The following TNFRSF8 variants were observed in gnomAD, a reference collection of about 807,000 sequenced individuals.
TNFRSF8 encodes the protein tumor necrosis factor receptor superfamily member 8.
TNFRSF8 carries 26 observed loss-of-function variants against 70.8 expected under a neutral mutation model. That is an observed-to-expected ratio of 0.37 (90% CI 0.27 to 0.51). TNFRSF8 has a LOEUF of 0.51. Ranked by LOEUF, TNFRSF8 falls within the 20% of genes least tolerant of loss-of-function variation. The probability of loss-of-function intolerance (pLI) is 0.94; values close to 1 mark genes in which losing one functional copy is unlikely to be tolerated. For synonymous variants in TNFRSF8, 356 were observed against 339.2 expected (o/e 1.05, Z -0.54); for missense variants, 720 against 807.9 (o/e 0.89, Z 1.32).
In TNFRSF8 at chr1:12,110,817, C is replaced by T. The variant is rs1045212209; in HGVS notation, c.676+613C>T. Among the ~76,000 whole-genome samples the T allele has an allele frequency of 3.9e-5, 6 of 152,086 alleles. No individual in the cohort carries two copies. The highest frequency in any genetic ancestry group is 8.8e-5 in the Non-Finnish European group (6 of 68,014). ...TTCACCATGTTGGTCAGGCTGGTCTCGAACTCCCGACCTCAGGTGATCCGC... is the reference window on the plus strand; with the variant it reads ...TTCACCATGTTGGTCAGGCTGGTCTTGAACTCCCGACCTCAGGTGATCCGC... On this transcript the variant is annotated intron_variant, in intron 6 of 14. Transcript: ENST00000263932. This position sits in a 1 kb window ranked among gnomAD's most constrained non-coding sequence, Gnocchi z 4.0.
intron 1 of TNFRSF8, among the ~76,000 whole-genome samples, chr1:12,074,985 A>G (rs1424603879): frequency 2.0e-5 from 3 of 152,112 alleles, no homozygotes; most frequent in East Asian, 1.9e-4. Context: ...GGCCGGGCAC[A>G]GTGGCTCATG....
chr1:12,128,833 C>A lies in TNFRSF8; in HGVS notation c.1309+2597C>A, dbSNP rs866654858. On this transcript the variant is annotated intron_variant, in intron 12 of 14. Coordinates refer to ENST00000263932, the MANE Select transcript of TNFRSF8 (RefSeq NM_001243.5). ...GGTTGAGAACCACTGGTCTAAAATT[C>A]TTTTTTTTTTTTTTTTTTTGAGACA... 7.2e-5 allele frequency among the ~76,000 whole-genome samples: 8 copies of A among 111,776 alleles called. No individual in the cohort carries two copies. In the East Asian group the frequency reaches 2.1e-3, roughly 29 times the overall value. The allele number at this position is 111,776 out of a possible 152,430, so 73.3% of individuals were successfully genotyped here.
At chr1:12,134,121 G>A (rs1279687667) in intron 12 of TNFRSF8, among the ~76,000 whole-genome samples, 4 of 152,182 alleles carry the variant, frequency 2.6e-5, no homozygotes, top group Admixed American at 2.0e-4. Flanking sequence ...TCAGTCTTGC[G>A]TATACTTTAT....
chr1:12,074,476 C>T (rs958408147), intron 1 of TNFRSF8, among the ~76,000 whole-genome samples: 1 of 151,960 alleles, frequency 6.6e-6, no homozygotes, highest in Non-Finnish European at 1.5e-5. Context: ...GAGGGGGTTT[C>T]GCTGTATTGG....
chr1:12,126,084 G>A (rs1641933668), intron 11 of TNFRSF8, 32 bp downstream of exon 11: 1 of 1,612,580 alleles, frequency 6.2e-7, no homozygotes, highest in Non-Finnish European at 8.5e-7. Flanking sequence ...GCCTTGGGGA[G>A]GACAGGTTGC....
At chr1:12,136,625 G>A (rs1475009535) in intron 13 of TNFRSF8, among the ~76,000 whole-genome samples, 8 of 144,828 alleles carry the variant, frequency 5.5e-5, no homozygotes, top group African/African-American at 1.6e-4. Flanking sequence ...CTCCCAGCCC[G>A]GGTAACAGAG....
intron 7 of TNFRSF8, among the ~76,000 whole-genome samples, chr1:12,114,279 A>G (rs1346941243): frequency 1.3e-5 from 2 of 152,200 alleles, no homozygotes; most frequent in Non-Finnish European, 2.9e-5. Flanking sequence ...ACATGATTGT[A>G]GGTTAATCTG....
At chr1:12,125,734 C>T (rs994686535) in intron 10 of TNFRSF8, among the ~76,000 whole-genome samples, 1 of 152,208 alleles carries the variant, frequency 6.6e-6, no homozygotes, top group Non-Finnish European at 1.5e-5. Flanking sequence ...ACTCTCTAGA[C>T]ACAGTTTGCC....
intron 2 of TNFRSF8, among the ~76,000 whole-genome samples, chr1:12,090,918 G>T (rs1278221567): frequency 4.6e-5 from 7 of 152,006 alleles, no homozygotes; most frequent in Non-Finnish European, 8.8e-5. Flanking sequence ...TCGGAGATGG[G>T]GTCTTTAAAA....
At chr1:12,136,082 TC>T (rs1642139947) in intron 13 of TNFRSF8, among the ~76,000 whole-genome samples, 1 of 151,838 alleles carries the variant, frequency 6.6e-6, no homozygotes, top group African/African-American at 2.4e-5. Flanking sequence ...TTTTTTTTTT[TC>T]CCCATCTGTC....
At chr1:12,105,658 C>T (rs1025950328) in intron 4 of TNFRSF8, among the ~76,000 whole-genome samples, 1 of 151,932 alleles carries the variant, frequency 6.6e-6, no homozygotes, top group Non-Finnish European at 1.5e-5. Context: ...GGACACAAGG[C>T]CAGGTGTGGT....
Position 12,063,319 on chromosome 1 carries a change from C to G in TNFRSF8, c.-280C>G, listed in dbSNP as rs138020226. ...TGCCTTTTCCTGAGTCATCTCTGCA[C>G]GTGTTTGCCCCCTTTTTTCTTCGCT... On this transcript the variant is annotated 5_prime_UTR_variant, in exon 1 of 15. Transcript: ENST00000263932. The surrounding 1 kb of genome is among the most constrained non-coding windows in gnomAD (Gnocchi z 7.2). The G allele has an allele frequency of 2.8e-6, 1 of 360,248 alleles. No homozygotes were observed. The allele number at this position is 360,248 out of a possible 1,614,324, so 22.3% of individuals were successfully genotyped here.
intron 8 of TNFRSF8, among the ~76,000 whole-genome samples, chr1:12,117,426 G>T (rs1459906089): frequency 6.6e-6 from 1 of 152,148 alleles, no homozygotes; most frequent in South Asian, 2.1e-4. Flanking sequence ...AATATCCGGG[G>T]AAAGTTCGGG....
intron 1 of TNFRSF8, among the ~76,000 whole-genome samples, chr1:12,076,087 T>TCTC (rs1553153188): frequency 2.4e-4 from 15 of 62,332 alleles, no homozygotes; most frequent in Non-Finnish European, 6.3e-5. Context: ...GGTTTTATTC[T>TCTC]TTTTTTTTTC....
chr1:12,126,992 C>T lies in TNFRSF8; in HGVS notation c.1309+756C>T, dbSNP rs561443343. ...TGACCCCCTCCCTGGTCCCTGCACT[C>T]TGATCCCTGCCCAGCCTCTGGGCCA... On this transcript the variant is annotated intron_variant, in intron 12 of 14. Coordinates refer to ENST00000263932, the MANE Select transcript of TNFRSF8 (RefSeq NM_001243.5). 2.6e-5 allele frequency among the ~76,000 whole-genome samples: 4 copies of T among 152,320 alleles called. No individual in the cohort carries two copies. The East Asian group carries it at 7.7e-4, about 29-fold the overall frequency.
In TNFRSF8 at chr1:12,138,123, G is replaced by A; in HGVS notation, c.1336-106G>A. ...TGGCAGCTTTTAAAGCAGAAAGGGG[G>A]ACTCACTGGGGTCTGTAGAGATGAA... On this transcript the variant is annotated intron_variant, in intron 13 of 14. Transcript: ENST00000263932. This position sits in a 1 kb window ranked among gnomAD's most constrained non-coding sequence, Gnocchi z 5.7. The A allele has an allele frequency of 2.6e-6, 3 of 1,157,930 alleles. No homozygotes were observed. The highest frequency in any genetic ancestry group is 1.6e-5 in the South Asian group (1 of 63,468). The allele number at this position is 1,157,930 out of a possible 1,614,324, so 71.7% of individuals were successfully genotyped here. A position where few individuals can be genotyped will look rare whatever the true frequency, so the allele number is the denominator to read the frequency against.
In TNFRSF8 at chr1:12,110,420, G is replaced by T. The variant is rs1288207710; in HGVS notation, c.676+216G>T. The stretch of plus-strand genomic sequence containing the variant: ...CATTTGCCAGCAGTGCAGAGGGCCT[G>T]CCTTGTGCCGGACACCCGTGCCCCA... On this transcript the variant is annotated intron_variant, in intron 6 of 14. Transcript: ENST00000263932. The surrounding 1 kb of genome is among the most constrained non-coding windows in gnomAD (Gnocchi z 4.0). Among the ~76,000 whole-genome samples the T allele has an allele frequency of 6.6e-6, 1 of 152,098 alleles. No individual in the cohort carries two copies. The highest frequency in any genetic ancestry group is 1.5e-5 in the Non-Finnish European group (1 of 67,996).
rs34433681 is a variant in TNFRSF8 at position 12,096,424 on chromosome 1, T to TAA, written c.152-658_152-657dup. On this transcript the variant is annotated intron_variant, in intron 2 of 14. Coordinates refer to ENST00000263932, the MANE Select transcript of TNFRSF8 (RefSeq NM_001243.5). ...GTGTTTTAGCTTATAGCTGATGAGC[T>TAA]AAAAAAAAAAAAAAAAAAAATCACA... 4.0e-3 allele frequency among the ~76,000 whole-genome samples: 541 copies of TAA among 135,070 alleles called. 2 individuals are homozygous for TAA. The highest frequency in any genetic ancestry group is 8.4e-3 in the African/African-American group (309 of 36,842). 88.6% of individuals were successfully genotyped at this position (135,070 alleles called of 152,430 possible). A position where few individuals can be genotyped will look rare whatever the true frequency, so the allele number is the denominator to read the frequency against.
chr1:12,098,374 A>G (rs1641365800), intron 3 of TNFRSF8, among the ~76,000 whole-genome samples: 1 of 152,208 alleles, frequency 6.6e-6, no homozygotes, highest in African/African-American at 2.4e-5. Context: ...AGCAATACAA[A>G]GAGTGTAAGG....
Sources: allele counts gnomAD v4.1 joint callset (sites outside exome capture counted in the v4.1 genomes callset), GRCh38; gene constraint gnomAD v4.1.1; non-coding constraint Gnocchi (gnomAD v3.1); transcripts MANE v1.5; gene names NCBI Gene and HGNC (gene_info 2026-07-23, HGNC 2026-07-21).